Variants in TBC1D12 observed in about 807,000 individuals in gnomAD.
TBC1D12 encodes TBC1 domain family member 12.
TBC1D12 carries 56 observed loss-of-function variants against 86.7 expected under a neutral mutation model. The ratio of observed to expected loss-of-function variants is 0.65; its 90% CI spans 0.52 to 0.81. TBC1D12 has a LOEUF of 0.81. TBC1D12 is among the 30% of genes least tolerant of loss of function. The pLI is 0.00. For missense variants in TBC1D12, 1,023 were observed against 1,038.8 expected (o/e 0.98, Z 0.21); for synonymous variants, 421 against 411.7 (o/e 1.02, Z -0.27).
At chr10:94,444,474 G>T (rs1423461280) in intron 2 of TBC1D12, among the ~76,000 whole-genome samples, 1 of 151,946 alleles carries the variant, frequency 6.6e-6, no homozygotes, top group African/African-American at 2.4e-5. Context: ...CGTCTAGAAT[G>T]TTTCAGAAGA....
intron 2 of TBC1D12, among the ~76,000 whole-genome samples, chr10:94,458,858 G>A (rs148542533): frequency 1.6e-3 from 245 of 152,260 alleles, no homozygotes; most frequent in African/African-American, 5.7e-3. Context: ...CTTCAGGAGT[G>A]AAGCTGCAGA....
At chr10:94,476,173 C>T (rs956436692) in intron 3 of TBC1D12, among the ~76,000 whole-genome samples, 4 of 151,752 alleles carry the variant, frequency 2.6e-5, no homozygotes, top group African/African-American at 9.7e-5. Context: ...TTGCCATTTT[C>T]CTGATCTGGA....
intron 4 of TBC1D12, among the ~76,000 whole-genome samples, chr10:94,494,891 C>A (rs773319286): frequency 6.6e-6 from 1 of 151,796 alleles, no homozygotes; most frequent in African/African-American, 2.4e-5. Context: ...GAGACGGGGT[C>A]GCACTTGTTA....
At chr10:94,500,071 G>A (rs541565795) in intron 5 of TBC1D12, 150 bp from the exon 6 acceptor site, 77 of 622,600 alleles carry the variant, frequency 1.2e-4, no homozygotes, top group African/African-American at 1.1e-3. Flanking sequence ...AAGCATGAAC[G>A]CAAAGAAAAG....
chr10:94,449,084 A>T (rs531665676), intron 2 of TBC1D12, among the ~76,000 whole-genome samples: 9 of 152,170 alleles, frequency 5.9e-5, no homozygotes, highest in Non-Finnish European at 1.0e-4. Flanking sequence ...GAATAAAGAT[A>T]AGTTTTCACA....
At chr10:94,459,597 G>C (rs1007437528) in intron 2 of TBC1D12, among the ~76,000 whole-genome samples, 1 of 152,200 alleles carries the variant, frequency 6.6e-6, no homozygotes, top group African/African-American at 2.4e-5. Context: ...CAGGGGGGTT[G>C]GGGGGAGCTC....
chr10:94,422,196 T>TG (rs2055084117), intron 1 of TBC1D12, among the ~76,000 whole-genome samples: 1 of 147,866 alleles, frequency 6.8e-6, no homozygotes, highest in African/African-American at 2.5e-5. Context: ...TTTTTTTTTT[T>TG]TTTTTTTTTT....
rs988315967 is a variant in TBC1D12, at chr10:94,433,493, A to G, written c.972-8403A>G. Among the ~76,000 whole-genome samples, 5 of 152,278 alleles carry G rather than the reference A, an allele frequency of 3.3e-5. No individual in the cohort carries two copies. In the South Asian group the frequency reaches 8.3e-4, roughly 25 times the overall value. ...AGCATTTTAGGTGTGATTTTAAAAA[A>G]TTCTGTAACTTATAGAGATCTGATA... On this transcript the variant is annotated intron_variant, in intron 1 of 12. Transcript: ENST00000225235.
chr10:94,424,811 G>A (rs2055126017), intron 1 of TBC1D12, among the ~76,000 whole-genome samples: 3 of 151,948 alleles, frequency 2.0e-5, no homozygotes, highest in African/African-American at 7.3e-5. Context: ...CAGATTTCCT[G>A]TGGGGGAATT....
intron 2 of TBC1D12, among the ~76,000 whole-genome samples, chr10:94,459,531 G>A (rs1018242705): frequency 2.0e-5 from 3 of 152,258 alleles, no homozygotes; most frequent in Admixed American, 6.5e-5. Context: ...GGGACCTTGC[G>A]CCATGGAGCA....
intron 2 of TBC1D12, among the ~76,000 whole-genome samples, chr10:94,474,445 G>C (rs1188775529): frequency 6.6e-6 from 1 of 151,418 alleles, no homozygotes; most frequent in Non-Finnish European, 1.5e-5. Context: ...CTGCCACCTC[G>C]GCCTCCCAAG....
rs879261280 is a variant in TBC1D12 at position 94,405,113 on chromosome 10, TC to T, written c.971+1530del. The stretch of plus-strand genomic sequence containing the variant: ...TGACACGCCTTTTTCTTCTTCTTCT[TC>T]TTCTTTTTTCTTAAGTCCCCAGGCA... On this transcript the variant is annotated intron_variant, in intron 1 of 12. Coordinates refer to ENST00000225235, the MANE Select transcript of TBC1D12 (RefSeq NM_015188.2). Among the ~76,000 whole-genome samples, 293 of 151,920 alleles carry T rather than the reference TC, an allele frequency of 1.9e-3. 2 individuals are homozygous for T. Among genetic ancestry groups the T allele is most frequent in the Non-Finnish European group, 2.8e-3 (192 of 67,966 alleles).
chr10:94,525,533 G>A (rs1339065941), intron 11 of TBC1D12, among the ~76,000 whole-genome samples: 1 of 151,836 alleles, frequency 6.6e-6, no homozygotes, highest in African/African-American at 2.4e-5. Context: ...GAACCCAGGA[G>A]GCCAAGGTTG....
chr10:94,482,758 C>A (rs2056096226), intron 3 of TBC1D12, among the ~76,000 whole-genome samples: 1 of 152,040 alleles, frequency 6.6e-6, no homozygotes, highest in African/African-American at 2.4e-5. Flanking sequence ...CCCATTCTTT[C>A]TATTTTTTAA....
intron 2 of TBC1D12, among the ~76,000 whole-genome samples, chr10:94,467,652 C>G (rs1351498352): frequency 1.6e-5 from 2 of 125,614 alleles, no homozygotes; most frequent in African/African-American, 5.4e-5. Context: ...GGCCACTCCC[C>G]CTCTTTTTTT....
intron 1 of TBC1D12, among the ~76,000 whole-genome samples, chr10:94,420,962 T>A (rs1476068282): frequency 6.6e-6 from 1 of 152,220 alleles, no homozygotes; most frequent in African/African-American, 2.4e-5. Flanking sequence ...AATTAGCATA[T>A]CATAAACTCA....
At chr10:94,508,797 A>G (rs1052670763) in intron 7 of TBC1D12, 1 of 152,136 alleles carries the variant, frequency 6.6e-6, no homozygotes, top group Non-Finnish European at 1.5e-5. Flanking sequence ...CCAATACTGC[A>G]TCATCTGCAG....
intron 1 of TBC1D12, among the ~76,000 whole-genome samples, chr10:94,429,022 TA>T (rs1211160917): frequency 1.3e-5 from 2 of 152,122 alleles, no homozygotes; most frequent in African/African-American, 4.8e-5. Context: ...TGACTCTTAA[TA>T]AAGAACTCTG....
At position 94,474,632 on chromosome 10, in the gene TBC1D12, C is replaced by G. The variant is rs373928045; in HGVS notation, c.1096-36C>G. On this transcript the variant is annotated intron_variant, in intron 2 of 12. Coordinates refer to ENST00000225235, the MANE Select transcript of TBC1D12 (RefSeq NM_015188.2). Reference sequence around the variant, plus strand: ...TTTAATAGTACAAACTATGTTGGAGCAGTTTCTGCATAAGGTATGTTTTAA... The same window carrying G: ...TTTAATAGTACAAACTATGTTGGAGGAGTTTCTGCATAAGGTATGTTTTAA... 6.4e-5 allele frequency: 94 copies of G among 1,458,810 alleles called. No homozygotes were observed. The African/African-American group carries it at 1.2e-3, about 18-fold the overall frequency. 90.4% of individuals were successfully genotyped at this position (1,458,810 alleles called of 1,614,324 possible).
Sources: gnomAD v4.1 joint callset for allele counts (sites outside exome capture counted in the v4.1 genomes callset) on GRCh38, gnomAD v4.1.1 for gene constraint, MANE v1.5 for transcripts, NCBI Gene and HGNC (gene_info 2026-07-23, HGNC 2026-07-21) for gene names.